The following PLEKHA5 variants were observed in gnomAD, a reference collection of about 807,000 sequenced individuals.
PLEKHA5 encodes pleckstrin homology domain-containing family A member 5.
In PLEKHA5, 55 loss-of-function variants were observed where a neutral mutation model predicts 181.9. The observed-to-expected ratio is 0.30, with a 90% CI of 0.24 to 0.38. The LOEUF is 0.38. Among genes scored for constraint, PLEKHA5 ranks in the 10% least tolerant of loss-of-function variants. The pLI is 1.00. For synonymous variants in PLEKHA5, 535 were observed against 529.4 expected, an observed-to-expected ratio of 1.01 and a Z score of -0.15; for missense variants, 1,432 against 1,549.5, an observed-to-expected ratio of 0.92 and a Z score of 1.27.
At chr12:19,316,082 C>T (rs146943359) in intron 16 of PLEKHA5, among the ~76,000 whole-genome samples, 222 of 151,730 alleles carry the variant, frequency 1.5e-3, no homozygotes, top group African/African-American at 5.2e-3. Context: ...AGTACCACAC[C>T]GAGAGTATTT....
intron 3 of PLEKHA5, among the ~76,000 whole-genome samples, chr12:19,179,698 A>C (rs2048111620): frequency 6.6e-6 from 1 of 152,192 alleles, no homozygotes; most frequent in African/African-American, 2.4e-5. Context: ...TGTTAGTTAA[A>C]TATAAATGTT....
At chr12:19,363,567 C>A (rs1020850636) in intron 29 of PLEKHA5, among the ~76,000 whole-genome samples, 1 of 151,218 alleles carries the variant, frequency 6.6e-6, no homozygotes, top group African/African-American at 2.4e-5. Flanking sequence ...TCTAGGCACA[C>A]TGCAACCTCC....
At chr12:19,256,508 T>G (rs573488609) in intron 5 of PLEKHA5, among the ~76,000 whole-genome samples, 1 of 152,306 alleles carries the variant, frequency 6.6e-6, no homozygotes, top group South Asian at 2.1e-4. Flanking sequence ...TTGATCTTTG[T>G]GTATCTTTTT....
chr12:19,169,933 C>T (rs1015311933), intron 3 of PLEKHA5, among the ~76,000 whole-genome samples: 11 of 152,234 alleles, frequency 7.2e-5, no homozygotes, highest in Middle Eastern at 3.4e-3. Flanking sequence ...CAATGGTGTG[C>T]GCTAAGAAAT....
intron 3 of PLEKHA5, chr12:19,200,765 T>A: frequency 1.4e-6 from 1 of 725,444 alleles, no homozygotes; most frequent in Non-Finnish European, 1.7e-6. Context: ...AATGAATGAT[T>A]CAATAAATGA....
chr12:19,316,861 A>G (rs2088987095), intron 16 of PLEKHA5, among the ~76,000 whole-genome samples: 1 of 152,192 alleles, frequency 6.6e-6, no homozygotes. Context: ...GTACTGCTAC[A>G]GTTTGCTTTT....
In PLEKHA5 at chr12:19,283,625, C is replaced by T. The variant is rs750051184; in HGVS notation, c.1659C>T (p.His553=). 1.6e-5 allele frequency: 26 copies of T among 1,613,818 alleles called. No homozygotes were observed. The highest frequency in any genetic ancestry group is 2.7e-5 in the African/African-American group (2 of 74,904). ...TMHSIPTSPS[H]GSIAAYQGYS... ...ACTCTATTCCCACATCACCTTCCCA[C>T]GGGTCAATAGCTGCTTATCAGGGAT... Residue 553 remains histidine, a synonymous_variant, in exon 12 of 32, where the codon CAC becomes CAT. Transcript: ENST00000429027.
At chr12:19,137,076 T>C (rs1409802040) in intron 3 of PLEKHA5, among the ~76,000 whole-genome samples, 1 of 152,034 alleles carries the variant, frequency 6.6e-6, no homozygotes, top group Non-Finnish European at 1.5e-5. Context: ...GGAGTTTCAC[T>C]CTTGTTGCCC....
intron 20 of PLEKHA5, among the ~76,000 whole-genome samples, chr12:19,327,676 A>C: frequency 1.5e-5 from 2 of 132,294 alleles, no homozygotes; most frequent in East Asian, 2.2e-4. Context: ...ACAGAGACTC[A>C]CTCTGTTGCC....
At chr12:19,300,203 C>A (rs977319173) in intron 15 of PLEKHA5, among the ~76,000 whole-genome samples, 1 of 152,106 alleles carries the variant, frequency 6.6e-6, no homozygotes, top group Non-Finnish European at 1.5e-5. Flanking sequence ...GAGTGAAAAC[C>A]TTGTATTAAT....
chr12:19,284,730 C>G (rs960951692), intron 12 of PLEKHA5, among the ~76,000 whole-genome samples: 5 of 152,320 alleles, frequency 3.3e-5, no homozygotes, highest in African/African-American at 1.2e-4. Flanking sequence ...TAGTACACAA[C>G]CAGTTCCCTA....
intron 26 of PLEKHA5, among the ~76,000 whole-genome samples, chr12:19,355,566 C>T (rs1393848631): frequency 6.6e-6 from 1 of 151,158 alleles, no homozygotes; most frequent in Non-Finnish European, 1.5e-5. Flanking sequence ...TCTCTGTTGC[C>T]CAGGCTAGCT....
chr12:19,194,117 T>A (rs1231548382), intron 3 of PLEKHA5, among the ~76,000 whole-genome samples: 1 of 152,174 alleles, frequency 6.6e-6, no homozygotes, highest in Non-Finnish European at 1.5e-5. Context: ...ATCATGTCAG[T>A]CGCCATTGTC....
At chr12:19,354,868 G>C (rs1373497222) in intron 26 of PLEKHA5, among the ~76,000 whole-genome samples, 2 of 152,128 alleles carry the variant, frequency 1.3e-5, no homozygotes, top group South Asian at 4.1e-4. Context: ...CCTAGACATG[G>C]GGTCATAGTC....
chr12:19,197,158 T>C (rs545569893), intron 3 of PLEKHA5, among the ~76,000 whole-genome samples: 13 of 152,278 alleles, frequency 8.5e-5, no homozygotes, highest in African/African-American at 2.4e-4. Context: ...TTCAGCATCG[T>C]TGAGCCTTAA....
intron 3 of PLEKHA5, among the ~76,000 whole-genome samples, chr12:19,243,907 T>C (rs558631649): frequency 7.2e-5 from 11 of 152,348 alleles, no homozygotes; most frequent in African/African-American, 2.4e-4. Flanking sequence ...TGCCTTTAAT[T>C]GTAGGCACAA....
intron 11 of PLEKHA5, among the ~76,000 whole-genome samples, chr12:19,281,381 G>T (rs1443382720): frequency 6.6e-6 from 1 of 151,820 alleles, no homozygotes; most frequent in African/African-American, 2.4e-5. Context: ...GTTTGAGATC[G>T]CCCTGGGCAA....
chr12:19,340,586 CT>C (rs1379065973), intron 21 of PLEKHA5, among the ~76,000 whole-genome samples: 1 of 148,206 alleles, frequency 6.7e-6, no homozygotes, highest in Non-Finnish European at 1.5e-5. Flanking sequence ...ACATGGGAGA[CT>C]TTTCATTTTG....
chr12:19,225,922 T>C (rs147152500), intron 3 of PLEKHA5, among the ~76,000 whole-genome samples: 1 of 152,302 alleles, frequency 6.6e-6, no homozygotes, highest in East Asian at 1.9e-4. Flanking sequence ...CAAGTCAAAA[T>C]CCTACTAACT....
Sources: allele counts gnomAD v4.1 joint callset (sites outside exome capture counted in the v4.1 genomes callset), GRCh38; gene constraint gnomAD v4.1.1; transcripts MANE v1.5; gene names NCBI Gene and HGNC (gene_info 2026-07-23, HGNC 2026-07-21).